API5: variants seen among roughly 807,000 people sequenced by gnomAD.
API5 encodes the protein apoptosis inhibitor 5, also known as FIF.
In API5, 6 loss-of-function variants were observed where a neutral mutation model predicts 71.9. The ratio of observed to expected loss-of-function variants is 0.08; its 90% CI spans 0.05 to 0.16. The LOEUF (loss-of-function observed/expected upper bound fraction) is 0.16. API5 is among the 10% of genes least tolerant of loss of function. API5 has a pLI of 1.00. For synonymous variants in API5, 189 were observed against 221.3 expected, an observed-to-expected ratio of 0.85 and a Z score of 1.30; for missense variants, 332 against 612.8, an observed-to-expected ratio of 0.54 and a Z score of 4.84.
At chr11:43,335,487 A>G (rs5743253) in intron 12 of API5, 133 bp downstream of exon 12, 227,151 of 590,656 alleles carry the variant, frequency 0.38, 48,158 homozygotes, top group South Asian at 0.48. Context: ...ATATGACTTA[A>G]AATGTAAAAT....
At chr11:43,338,601 A>T (rs1037613653) in intron 13 of API5, among the ~76,000 whole-genome samples, 1 of 144,340 alleles carries the variant, frequency 6.9e-6, no homozygotes. Flanking sequence ...AAAAGAAGAA[A>T]ATTTGGTGAA....
chr11:43,321,471 C>A lies in API5; in HGVS notation c.386C>A (p.Ala129Glu). Residue 129 changes from alanine (A) to glutamate (E), a missense_variant, in exon 4 of 14, where the codon GCA (alanine) becomes GAA (glutamate). By Grantham distance (107) the Ala-to-Glu change is moderately radical. This residue lies in a region of API5 where 127 missense variants were observed against 237.6 expected (regional missense o/e 0.53). Coordinates refer to ENST00000531273, the MANE Select transcript of API5 (RefSeq NM_001142930.2). ...CTATTAAGTATATTTAAAATGGATG[C>A]AAAAGGTAAGGCCAGTTCTTATTCT... ...NALLSIFKMDAKGTLGGLFSQ... is the reference protein window; with the variant it reads ...NALLSIFKMDEKGTLGGLFSQ... 6.2e-7 allele frequency: 1 copy of A among 1,607,320 alleles called. No individual in the cohort carries two copies. Among genetic ancestry groups the A allele is most frequent in the Non-Finnish European group, 8.5e-7 (1 of 1,175,086 alleles).
intron 4 of API5, 83 bp from the exon 5 acceptor site, chr11:43,321,902 G>T: frequency 1.5e-6 from 2 of 1,348,582 alleles, no homozygotes; most frequent in Non-Finnish European, 2.0e-6. Flanking sequence ...TATTTGAGAA[G>T]AAATACTATA....
rs765126336 is a variant in API5 at position 43,312,181 on chromosome 11, G to C, written c.54G>C (p.Thr18=). 3.1e-6 allele frequency: 5 copies of C among 1,613,782 alleles called. No homozygotes were observed. In the South Asian group the frequency reaches 5.5e-5, roughly 18 times the overall value. ...YRNYGILADA[T]EQVGQHKDAY... The stretch of plus-strand genomic sequence containing the variant: ...ATTATGGCATCCTGGCCGATGCCAC[G>C]GAGCAAGTGGGCCAGGTGAGTTGAG... Residue 18 remains threonine, a synonymous_variant, in exon 1 of 14, where the codon ACG becomes ACC. Transcript: ENST00000531273.
At chr11:43,322,216 T>TG in intron 5 of API5, 80 bp downstream of exon 5, 1 of 1,316,718 alleles carries the variant, frequency 7.6e-7, no homozygotes, top group South Asian at 1.6e-5. Flanking sequence ...GTCAATGTTA[T>TG]GTGTGGCTTG....
Position 43,343,611 on chromosome 11 carries a change from T to C in API5, c.*1101T>C, listed in dbSNP as rs2134395900. 1 of 152,744 alleles carries C rather than the reference T, an allele frequency of 6.5e-6. No individual in the cohort carries two copies. The highest frequency in any genetic ancestry group is 1.9e-4 in the East Asian group (1 of 5,186). 9.5% of individuals were successfully genotyped at this position (152,744 alleles called of 1,614,324 possible). A position where few individuals can be genotyped will look rare whatever the true frequency, so the allele number is the denominator to read the frequency against. ...AGTAAGGGATGCTCTCTCGGTTTGC[T>C]TTTGCCACTTTCAAGATTTTAACTT... On this transcript the variant is annotated 3_prime_UTR_variant, in exon 14 of 14. Coordinates refer to ENST00000531273, the MANE Select transcript of API5 (RefSeq NM_001142930.2).
intron 11 of API5, among the ~76,000 whole-genome samples, chr11:43,333,805 A>AC (rs202073079): frequency 0.14 from 21,030 of 152,168 alleles, 3,889 homozygotes; most frequent in African/African-American, 0.42. Context: ...CAGGAAGGCA[A>AC]CGGTCATGCA....
chr11:43,320,847 G>A lies in API5; in HGVS notation c.258G>A (p.Leu86=). 2 of 1,612,030 alleles carry A rather than the reference G, an allele frequency of 1.2e-6. No individual in the cohort carries two copies. The highest frequency in any genetic ancestry group is 4.5e-5 in the East Asian group (2 of 44,872). The stretch of plus-strand genomic sequence containing the variant: ...TTCGACGTCAAGCAATTAAAGAACT[G>A]CCTCAATTTGCCACTGGAGAAAATC... ...VSIRRQAIKE[L]PQFATGENLP... Residue 86 remains leucine, a synonymous_variant, in exon 3 of 14, where the codon CTG becomes CTA. Transcript: ENST00000531273.
At chr11:43,325,891 T>C (rs5743232) in intron 6 of API5, among the ~76,000 whole-genome samples, 5 of 152,194 alleles carry the variant, frequency 3.3e-5, no homozygotes, top group Admixed American at 6.5e-5. Context: ...TAAAGAATAA[T>C]GTCTGCTTAT....
chr11:43,333,535 T>TGATTACATTAATACAGATA (rs547205552), intron 11 of API5, among the ~76,000 whole-genome samples: 3 of 152,288 alleles, frequency 2.0e-5, no homozygotes, highest in African/African-American at 4.8e-5. Context: ...TGGCTACTAT[T>TGATTACATTAATACAGATA]GATTACATTA....
At chr11:43,331,653 CT>C (rs1486287599) in intron 11 of API5, among the ~76,000 whole-genome samples, 1 of 151,996 alleles carries the variant, frequency 6.6e-6, no homozygotes, top group African/African-American at 2.4e-5. Context: ...CTAGGTGTAA[CT>C]TTTATTGGAA....
intron 7 of API5, 39 bp downstream of exon 7, chr11:43,326,650 C>G (rs1247927461): frequency 8.8e-7 from 1 of 1,141,916 alleles, no homozygotes; most frequent in Non-Finnish European, 1.3e-6. Context: ...ATAAGGCATT[C>G]TTATATTTTA....
chr11:43,321,446 C>T lies in API5; in HGVS notation c.361C>T (p.Leu121=). ...AGAATTTAACCTAGTGAACAATGCCCTATTAAGTATATTTAAAATGGATGC... is the reference window on the plus strand; with the variant it reads ...AGAATTTAACCTAGTGAACAATGCCTTATTAAGTATATTTAAAATGGATGC... ...SAEFNLVNNA[L]LSIFKMDAKG... is the part of the protein sequence containing the mutation. The change falls in exon 4 of 14, where the codon CTA becomes TTA. Residue 121 remains leucine (L), a synonymous_variant. Transcript: ENST00000531273. 1 of 1,611,610 alleles carries T rather than the reference C, an allele frequency of 6.2e-7. No homozygotes were observed. The highest frequency in any genetic ancestry group is 8.5e-7 in the Non-Finnish European group (1 of 1,178,686).
chr11:43,326,016 G>A (rs1247806529), intron 6 of API5, among the ~76,000 whole-genome samples: 1 of 152,158 alleles, frequency 6.6e-6, no homozygotes, highest in Admixed American at 6.5e-5. Flanking sequence ...ATCAAACAGG[G>A]ACAATTTTTT....
At chr11:43,319,907 C>G (rs1408254477) in intron 2 of API5, among the ~76,000 whole-genome samples, 1 of 152,110 alleles carries the variant, frequency 6.6e-6, no homozygotes, top group African/African-American at 2.4e-5. Flanking sequence ...TAGTAAAAAC[C>G]TAACAGTTGC....
chr11:43,341,439 A>C (rs972367976), intron 13 of API5, among the ~76,000 whole-genome samples: 1 of 152,254 alleles, frequency 6.6e-6, no homozygotes, highest in Non-Finnish European at 1.5e-5. Flanking sequence ...ATTTGCAGCA[A>C]CATGGAAGGA....
intron 13 of API5, among the ~76,000 whole-genome samples, chr11:43,338,529 A>T (rs931817283): frequency 2.0e-5 from 3 of 151,862 alleles, no homozygotes; most frequent in Non-Finnish European, 4.4e-5. Context: ...AAAAAAATGT[A>T]AGCTTGAAAC....
intron 13 of API5, among the ~76,000 whole-genome samples, chr11:43,341,839 C>G (rs1444401647): frequency 6.6e-6 from 1 of 152,040 alleles, no homozygotes; most frequent in Admixed American, 6.5e-5. Flanking sequence ...AATTATTATT[C>G]GTGAATTTGA....
At chr11:43,313,474 G>A (rs1854561212) in intron 1 of API5, among the ~76,000 whole-genome samples, 1 of 152,108 alleles carries the variant, frequency 6.6e-6, no homozygotes, top group South Asian at 2.1e-4. Context: ...TTCTGCTTAC[G>A]CATCCCTTCT....
Sources: allele counts gnomAD v4.1 joint callset (sites outside exome capture counted in the v4.1 genomes callset), GRCh38; gene constraint gnomAD v4.1.1; regional missense constraint gnomAD v4.1.1; transcripts MANE v1.5; gene names NCBI Gene and HGNC (gene_info 2026-07-23, HGNC 2026-07-21).